RBFOX3: variants seen among roughly 807,000 people sequenced by gnomAD.
RBFOX3 encodes RNA binding protein fox-1 homolog 3.
A neutral mutation model predicts 48.7 loss-of-function variants in RBFOX3; 17 were observed. That is an observed-to-expected ratio of 0.35 (90% CI 0.24 to 0.52). The LOEUF is 0.52. Among genes scored for constraint, RBFOX3 ranks in the 20% least tolerant of loss-of-function variants. RBFOX3 has a pLI of 0.94. For missense variants in RBFOX3, 382 were observed against 497.5 expected (o/e 0.77, Z 2.21); for synonymous variants, 212 against 209.5 (o/e 1.01, Z -0.10).
chr17:79,313,243 G>T (rs1190099205), intron 2 of RBFOX3, among the ~76,000 whole-genome samples: 2 of 152,184 alleles, frequency 1.3e-5, no homozygotes, highest in Non-Finnish European at 2.9e-5. Flanking sequence ...AAAGGGGTAG[G>T]GCAGGCAGGG....
intron 4 of RBFOX3, among the ~76,000 whole-genome samples, chr17:79,138,750 ACAC>A (rs1331920702): frequency 4.4e-3 from 16 of 3,674 alleles, no homozygotes; most frequent in Admixed American, 0.012. Context: ...GCACGTGTTC[ACAC>A]CACCATCCAC....
intron 2 of RBFOX3, among the ~76,000 whole-genome samples, chr17:79,472,905 GTTTC>G (rs1345824812): frequency 1.3e-5 from 2 of 152,088 alleles, no homozygotes; most frequent in Non-Finnish European, 2.9e-5. Context: ...CTACATTTTT[GTTTC>G]TTTGTTTTGT....
intron 1 of RBFOX3, among the ~76,000 whole-genome samples, chr17:79,515,566 CAG>C (rs1158325370): frequency 2.0e-5 from 3 of 152,216 alleles, no homozygotes; most frequent in South Asian, 2.1e-4. Context: ...AGTTCCTTCT[CAG>C]AGTCTCTGCT....
In RBFOX3 at chr17:79,385,723, G is replaced by A. The variant is rs182523142; in HGVS notation, c.-174-77899C>T. On this transcript the variant is annotated intron_variant, in intron 2 of 14. Transcript: ENST00000693108. Reference sequence around the variant, plus strand: ...GCTCCATCAGCTCCCATAACAGAAGGAGGCTCTATCACCTCCTATTACAGA... The same window carrying A: ...GCTCCATCAGCTCCCATAACAGAAGAAGGCTCTATCACCTCCTATTACAGA... Among the ~76,000 whole-genome samples the A allele has an allele frequency of 1.1e-3, 161 of 152,280 alleles. 1 individual carries two copies. In the Middle Eastern group the frequency reaches 0.014, roughly 13 times the overall value.
In RBFOX3 at chr17:79,336,841, C is replaced by T. The variant is rs923954190; in HGVS notation, c.-174-29017G>A. 1.6e-4 allele frequency among the ~76,000 whole-genome samples: 25 copies of T among 152,286 alleles called. No individual in the cohort carries two copies. In the South Asian group the frequency reaches 3.3e-3, roughly 20 times the overall value. On this transcript the variant is annotated intron_variant, in intron 2 of 14. Coordinates refer to ENST00000693108, the MANE Select transcript of RBFOX3 (RefSeq NM_001350451.2). ...AGGCACAATAAAAAGTGAAGTGGGC[C>T]GGGTGAGGTGGCTCACGCCTGTAAT...
chr17:79,170,913 C>A (rs981655976), intron 4 of RBFOX3, among the ~76,000 whole-genome samples: 4 of 152,206 alleles, frequency 2.6e-5, no homozygotes, highest in African/African-American at 7.2e-5. Context: ...TGTCTTTCCA[C>A]GTAAACTGCT....
intron 4 of RBFOX3, among the ~76,000 whole-genome samples, chr17:79,151,157 C>T (rs370636976): frequency 4.3e-4 from 66 of 152,098 alleles, no homozygotes; most frequent in African/African-American, 6.0e-4. Flanking sequence ...TCCCCCTACT[C>T]GGGGCAAGCA....
At chr17:79,573,575 C>T (rs1265826522) in intron 1 of RBFOX3, among the ~76,000 whole-genome samples, 2 of 152,206 alleles carry the variant, frequency 1.3e-5, no homozygotes, top group Non-Finnish European at 2.9e-5. Flanking sequence ...AGAACAGGCA[C>T]CTGTCCCTTT....
intron 4 of RBFOX3, among the ~76,000 whole-genome samples, chr17:79,143,364 T>G (rs2042299793): frequency 1.3e-5 from 1 of 78,600 alleles, no homozygotes; most frequent in African/African-American, 4.9e-5. Flanking sequence ...GCTGTCCTTG[T>G]TGGTGGAGCG....
intron 2 of RBFOX3, among the ~76,000 whole-genome samples, chr17:79,341,652 T>C (rs2146678503): frequency 6.6e-6 from 1 of 152,262 alleles, no homozygotes; most frequent in East Asian, 1.9e-4. Flanking sequence ...TCCATTTCTC[T>C]ACCTGGAGAA....
At chr17:79,633,559 C>A in the RBFOX3 span, among the ~76,000 whole-genome samples, 20 of 152,138 alleles carry the variant, frequency 1.3e-4, no homozygotes, top group African/African-American at 4.8e-4. Flanking sequence ...CCTCCGCAGG[C>A]CCCCAGTGGG....
At chr17:79,381,373 C>G (rs887866705) in intron 2 of RBFOX3, among the ~76,000 whole-genome samples, 3 of 152,178 alleles carry the variant, frequency 2.0e-5, no homozygotes, top group African/African-American at 4.8e-5. Flanking sequence ...AAAAACCATG[C>G]ATGAGATGGT....
chr17:79,342,261 G>A (rs116926990), intron 2 of RBFOX3, among the ~76,000 whole-genome samples: 2,823 of 152,314 alleles, frequency 0.019, 63 homozygotes, highest in Non-Finnish European at 0.025. Context: ...GGGTGACTGC[G>A]GCTACTCTGA....
At chr17:79,322,092 T>C (rs1199851422) in intron 2 of RBFOX3, among the ~76,000 whole-genome samples, 1 of 151,766 alleles carries the variant, frequency 6.6e-6, no homozygotes, top group Non-Finnish European at 1.5e-5. Flanking sequence ...GAAATAAATA[T>C]AAAAAGTGAC....
chr17:79,605,765 G>A (rs886882312), intron 1 of RBFOX3, among the ~76,000 whole-genome samples: 27 of 152,186 alleles, frequency 1.8e-4, no homozygotes, highest in African/African-American at 6.5e-4. Flanking sequence ...CAAGTGCTTG[G>A]CTCTTGGTCC....
intron 3 of RBFOX3, among the ~76,000 whole-genome samples, chr17:79,256,642 G>A (rs1271912019): frequency 6.6e-6 from 1 of 152,166 alleles, no homozygotes; most frequent in Non-Finnish European, 1.5e-5. Context: ...GTTCTGCCAG[G>A]TACGGTGGCT....
chr17:79,211,665 C>G (rs1235493118), intron 4 of RBFOX3, among the ~76,000 whole-genome samples: 1 of 152,148 alleles, frequency 6.6e-6, no homozygotes, highest in Non-Finnish European at 1.5e-5. Context: ...CTGCAGATAC[C>G]CCAAGGTCAG....
intron 1 of RBFOX3, among the ~76,000 whole-genome samples, chr17:79,539,190 A>G (rs1293128667): frequency 6.6e-6 from 1 of 152,074 alleles, no homozygotes; most frequent in Non-Finnish European, 1.5e-5. Flanking sequence ...TGTTTCTACA[A>G]AAAATAGAAA....
intron 5 of RBFOX3, among the ~76,000 whole-genome samples, chr17:79,110,126 C>A (rs1308684627): frequency 6.0e-5 from 6 of 100,656 alleles, no homozygotes; most frequent in Admixed American, 1.1e-4. Context: ...TTCTTTCCCC[C>A]ACTCAAAAAA....
Sources: gnomAD v4.1 joint callset for allele counts (sites outside exome capture counted in the v4.1 genomes callset) on GRCh38, gnomAD v4.1.1 for gene constraint, MANE v1.5 for transcripts, NCBI Gene and HGNC (gene_info 2026-07-23, HGNC 2026-07-21) for gene names.